Variants in FSTL4 observed in about 807,000 individuals in gnomAD.
FSTL4 encodes the protein follistatin like 4, also known as follistatin-related protein 4.
In FSTL4, 28 loss-of-function variants were observed where a neutral mutation model predicts 78.2. The ratio of observed to expected loss-of-function variants is 0.36; its 90% CI spans 0.27 to 0.49. The LOEUF (loss-of-function observed/expected upper bound fraction) is 0.49. FSTL4 is among the 20% of genes least tolerant of loss of function. FSTL4 has a pLI of 0.98. For missense variants in FSTL4, 922 were observed against 1,084.9 expected, an observed-to-expected ratio of 0.85 and a Z score of 2.11; for synonymous variants, 422 against 440.5, an observed-to-expected ratio of 0.96 and a Z score of 0.53.
intron 13 of FSTL4, among the ~76,000 whole-genome samples, chr5:133,216,133 C>G (rs1750897691): frequency 1.3e-5 from 2 of 152,146 alleles, no homozygotes; most frequent in African/African-American, 4.8e-5. Context: ...AACTTAAATC[C>G]TTTTTACCTC....
chr5:133,712,420 G>C, the FSTL4 span, among the ~76,000 whole-genome samples: 1 of 152,206 alleles, frequency 6.6e-6, no homozygotes, highest in Non-Finnish European at 1.5e-5. Flanking sequence ...CAGTCTGGAA[G>C]AGTGGGTCGA....
chr5:133,590,680 T>C (rs1760604360), intron 2 of FSTL4, among the ~76,000 whole-genome samples: 1 of 152,142 alleles, frequency 6.6e-6, no homozygotes, highest in Non-Finnish European at 1.5e-5. Context: ...CACCAAAGCC[T>C]GCTCCCCTTT....
chr5:133,203,855 G>A (rs1159692757), intron 14 of FSTL4, among the ~76,000 whole-genome samples: 2 of 152,294 alleles, frequency 1.3e-5, no homozygotes, highest in South Asian at 2.1e-4. Flanking sequence ...TCATCAAAAC[G>A]CAGTGCCATG....
chr5:133,724,643 A>G, the FSTL4 span, among the ~76,000 whole-genome samples: 4 of 152,202 alleles, frequency 2.6e-5, no homozygotes, highest in Admixed American at 2.0e-4. Flanking sequence ...AGAAATATGT[A>G]TTGAAAATAC....
chr5:133,738,566 G>A, the FSTL4 span, among the ~76,000 whole-genome samples: 1 of 152,174 alleles, frequency 6.6e-6, no homozygotes, highest in Non-Finnish European at 1.5e-5. Context: ...GTGGACACTA[G>A]AGTGGCTCTC....
chr5:133,604,888 AC>A (rs751459804), intron 1 of FSTL4, among the ~76,000 whole-genome samples: 11 of 152,272 alleles, frequency 7.2e-5, no homozygotes, highest in Non-Finnish European at 1.5e-4. Context: ...AATTTCAATA[AC>A]CTTTGAGGTG....
intron 3 of FSTL4, among the ~76,000 whole-genome samples, chr5:133,514,416 A>T (rs116581843): frequency 6.0e-4 from 91 of 152,312 alleles, no homozygotes; most frequent in African/African-American, 1.9e-3. Flanking sequence ...CATAGGAACC[A>T]GTAAAGAGCA....
intron 4 of FSTL4, among the ~76,000 whole-genome samples, chr5:133,373,037 A>G (rs1755349936): frequency 6.6e-6 from 1 of 152,160 alleles, no homozygotes; most frequent in Non-Finnish European, 1.5e-5. Context: ...GAGCCTCATG[A>G]ATGGGATTAG....
the FSTL4 span, among the ~76,000 whole-genome samples, chr5:133,678,026 T>G: frequency 1.3e-5 from 2 of 152,230 alleles, no homozygotes; most frequent in African/African-American, 4.8e-5. Flanking sequence ...AATTAACATA[T>G]GCATTATACC....
At chr5:133,388,114 T>A (rs992209906) in intron 4 of FSTL4, 1 of 152,240 alleles carries the variant, frequency 6.6e-6, no homozygotes, top group Non-Finnish European at 1.5e-5. Context: ...CCCTTTGCAA[T>A]TTTTGGTAAC....
chr5:133,566,395 C>G (rs977389108), intron 3 of FSTL4, among the ~76,000 whole-genome samples: 40 of 152,222 alleles, frequency 2.6e-4, no homozygotes, highest in Non-Finnish European at 3.8e-4. Context: ...GATTGTCTCC[C>G]TCTTTGGAGA....
intron 3 of FSTL4, among the ~76,000 whole-genome samples, chr5:133,437,377 A>G (rs1757056778): frequency 6.6e-6 from 1 of 152,126 alleles, no homozygotes; most frequent in Non-Finnish European, 1.5e-5. Context: ...GGTAATATGG[A>G]ATCAGAACAC....
chr5:133,301,565 G>A (rs726898), intron 6 of FSTL4, among the ~76,000 whole-genome samples: 1 of 151,962 alleles, frequency 6.6e-6, no homozygotes, highest in Non-Finnish European at 1.5e-5. Flanking sequence ...ACTGCCCATC[G>A]CACCACCTGT....
the FSTL4 span, among the ~76,000 whole-genome samples, chr5:133,835,265 C>T: frequency 6.6e-6 from 1 of 152,184 alleles, no homozygotes; most frequent in African/African-American, 2.4e-5. Flanking sequence ...TTGCTACTGA[C>T]TCTCAAGGGT....
chr5:133,383,577 G>GC (rs1416317207), intron 4 of FSTL4, among the ~76,000 whole-genome samples: 1 of 152,132 alleles, frequency 6.6e-6, no homozygotes, highest in Non-Finnish European at 1.5e-5. Flanking sequence ...TGACTGACAG[G>GC]CCCCAGGGCC....
intron 14 of FSTL4, chr5:133,202,324 C>T (rs900998139): frequency 7.4e-5 from 17 of 229,220 alleles, no homozygotes; most frequent in Non-Finnish European, 1.4e-4. Context: ...ACTTTGTCAG[C>T]CACCATGATG....
At chr5:133,460,099 G>A (rs1456375574) in intron 3 of FSTL4, among the ~76,000 whole-genome samples, 1 of 152,174 alleles carries the variant, frequency 6.6e-6, no homozygotes, top group Non-Finnish European at 1.5e-5. Context: ...GAATCCTCTA[G>A]AGGGTATTTA....
chr5:133,804,158 C>G, the FSTL4 span, among the ~76,000 whole-genome samples: 1 of 152,166 alleles, frequency 6.6e-6, no homozygotes, highest in African/African-American at 2.4e-5. Flanking sequence ...GCTCAAAATG[C>G]CTGGAAAGGT....
the FSTL4 span, among the ~76,000 whole-genome samples, chr5:133,732,231 G>A: frequency 6.6e-6 from 1 of 152,192 alleles, no homozygotes; most frequent in Non-Finnish European, 1.5e-5. Context: ...GTGAGAAGAA[G>A]GGGAGGTGTG....
Sources: gnomAD v4.1 joint callset for allele counts (sites outside exome capture counted in the v4.1 genomes callset) on GRCh38, gnomAD v4.1.1 for gene constraint, MANE v1.5 for transcripts, NCBI Gene and HGNC (gene_info 2026-07-23, HGNC 2026-07-21) for gene names.